The following PYROXD2 variants were observed in gnomAD, a reference collection of about 807,000 sequenced individuals.
PYROXD2 encodes pyridine nucleotide-disulfide oxidoreductase domain-containing protein 2.
PYROXD2 carries 69 observed loss-of-function variants against 71.1 expected under a neutral mutation model. The observed-to-expected ratio is 0.97, with a 90% CI of 0.80 to 1.19. The LOEUF (loss-of-function observed/expected upper bound fraction) is 1.19, where lower values mean the gene tolerates loss of function less well. PYROXD2 is among the 50% of genes most tolerant of loss of function. The pLI is 0.00. For missense variants in PYROXD2, 745 were observed against 748.9 expected (o/e 0.99, Z 0.06); for synonymous variants, 287 against 302.7 (o/e 0.95, Z 0.54).
chr10:98,390,557 T>C (rs1252029813), intron 12 of PYROXD2, 41 bp downstream of exon 12: 3 of 1,522,682 alleles, frequency 2.0e-6, no homozygotes, highest in South Asian at 2.7e-5. Context: ...CCCAGGCCCA[T>C]GTGGAAGAAC....
At chr10:98,405,491 C>T (rs905532880) in intron 4 of PYROXD2, among the ~76,000 whole-genome samples, 2 of 152,162 alleles carry the variant, frequency 1.3e-5, no homozygotes, top group East Asian at 1.9e-4. Flanking sequence ...ATAATAATAG[C>T]GACAAGTACT....
chr10:98,410,050 C>T (rs1267899938), intron 2 of PYROXD2, among the ~76,000 whole-genome samples: 1 of 151,892 alleles, frequency 6.6e-6, no homozygotes, highest in Non-Finnish European at 1.5e-5. Flanking sequence ...TGCACTCCAG[C>T]CTGGGTGACA....
At chr10:98,393,526 G>A (rs1843026691) in intron 8 of PYROXD2, among the ~76,000 whole-genome samples, 1 of 152,126 alleles carries the variant, frequency 6.6e-6, no homozygotes, top group Admixed American at 6.5e-5. Flanking sequence ...CCAGGTGTCA[G>A]CCTTGACCGC....
intron 2 of PYROXD2, chr10:98,410,582 C>G (rs1026700183): frequency 6.7e-6 from 2 of 300,428 alleles, no homozygotes; most frequent in Non-Finnish European, 1.2e-5. Context: ...GCCCCCACCC[C>G]GCCCCAGGTG....
chr10:98,388,677 C>T (rs1402736905), intron 12 of PYROXD2, among the ~76,000 whole-genome samples, 169 bp from the exon 13 acceptor site: 2 of 151,722 alleles, frequency 1.3e-5, no homozygotes, highest in African/African-American at 4.8e-5. Flanking sequence ...CGGCTGCTAG[C>T]GTGGTCCAGA....
intron 6 of PYROXD2, among the ~76,000 whole-genome samples, chr10:98,395,982 T>C (rs1000700258): frequency 4.6e-5 from 7 of 152,210 alleles, no homozygotes; most frequent in African/African-American, 1.7e-4. Flanking sequence ...TAGCTTAGTG[T>C]CTGACACATA....
At chr10:98,398,773 G>C (rs994917711) in intron 5 of PYROXD2, among the ~76,000 whole-genome samples, 1 of 152,138 alleles carries the variant, frequency 6.6e-6, no homozygotes, top group Non-Finnish European at 1.5e-5. Context: ...GGATTTGGAC[G>C]AGAGGATGCA....
At chr10:98,407,831 C>G (rs1479266019) in intron 3 of PYROXD2, 73 bp downstream of exon 3, 2 of 1,459,172 alleles carry the variant, frequency 1.4e-6, no homozygotes, top group South Asian at 2.5e-5. Context: ...GACCGTCACC[C>G]GGGGTCAGCA....
intron 13 of PYROXD2, 103 bp from the exon 14 acceptor site, chr10:98,387,410 A>G: frequency 1.4e-6 from 1 of 734,804 alleles, no homozygotes; most frequent in Non-Finnish European, 2.3e-6. Flanking sequence ...AATTACACAC[A>G]GAAATGGGCT....
At position 98,410,774 on chromosome 10, in the gene PYROXD2, G is replaced by A. The variant is rs76873969; in HGVS notation, c.147+165C>T. 1.1e-4 allele frequency: 111 copies of A among 1,013,782 alleles called. 1 individual carries two copies. In the East Asian group the frequency reaches 1.6e-3, roughly 15 times the overall value. The allele number at this position is 1,013,782 out of a possible 1,614,324, so 62.8% of individuals were successfully genotyped here. A position where few individuals can be genotyped will look rare whatever the true frequency, so the allele number is the denominator to read the frequency against. ...CACAGCTGGCTGCAGATGAGCATTC[G>A]ACCCAGCCCCCAGTCAGCACTGGAG... On this transcript the variant is annotated intron_variant, in intron 2 of 15. Coordinates refer to ENST00000370575, the MANE Select transcript of PYROXD2 (RefSeq NM_032709.3).
At chr10:98,410,881 C>A (rs1405941264) in intron 2 of PYROXD2, 58 bp downstream of exon 2, 2 of 1,554,028 alleles carry the variant, frequency 1.3e-6, no homozygotes, top group Non-Finnish European at 1.7e-6. Flanking sequence ...CCTTCCCAGG[C>A]TGCTGAGAGC....
intron 4 of PYROXD2, among the ~76,000 whole-genome samples, chr10:98,405,209 G>A (rs767994492): frequency 6.6e-6 from 1 of 152,220 alleles, no homozygotes; most frequent in African/African-American, 2.4e-5. Context: ...GGATGGAACC[G>A]GGAGGTGATC....
chr10:98,395,916 G>A (rs1843155517), intron 6 of PYROXD2, among the ~76,000 whole-genome samples: 1 of 152,152 alleles, frequency 6.6e-6, no homozygotes, highest in Non-Finnish European at 1.5e-5. Context: ...AAAGAAACTA[G>A]GCTTTAAGGC....
Position 98,390,667 on chromosome 10 carries a change from A to G in PYROXD2, c.1223T>C (p.Leu408Pro). The G allele has an allele frequency of 6.2e-7, 1 of 1,612,972 alleles. No homozygotes were observed. The highest frequency in any genetic ancestry group is 8.5e-7 in the Non-Finnish European group (1 of 1,179,414). Reference sequence around the variant, plus strand: ...AAGGAGGAGGGTGTCTTCACAGTTCAGGTGGATGGAGCATTGGTGATGGGG... The same window carrying G: ...AAGGAGGAGGGTGTCTTCACAGTTCGGGTGGATGGAGCATTGGTGATGGGG... ...PLPHHQCSIH[L>P]NCEDTLLLHQ... The change falls in exon 12 of 16, where the codon CTG (leucine) becomes CCG (proline). Residue 408 changes from leucine (L) to proline (P), a missense_variant. By Grantham distance (98) the Leu-to-Pro change is moderately conservative. Transcript: ENST00000370575.
intron 15 of PYROXD2, among the ~76,000 whole-genome samples, chr10:98,384,325 C>T (rs189728916): frequency 3.3e-5 from 5 of 152,296 alleles, no homozygotes; most frequent in African/African-American, 9.6e-5. Flanking sequence ...TTAACTTTAT[C>T]CATCCTTCCT....
rs1843753204 is a variant in PYROXD2, at chr10:98,410,657, C to T, written c.147+282G>A. ...GTTACATGCTTCCCCACCTTGTCAG[C>T]TTGTTTCTGGAAGCTCCCTGACTCC... On this transcript the variant is annotated intron_variant, in intron 2 of 15. Coordinates refer to ENST00000370575, the MANE Select transcript of PYROXD2 (RefSeq NM_032709.3). The T allele has an allele frequency of 1.0e-5, 5 of 495,148 alleles. No homozygotes were observed. In the South Asian group the frequency reaches 1.3e-4, roughly 13 times the overall value. 30.7% of individuals were successfully genotyped at this position (495,148 alleles called of 1,614,324 possible).
At position 98,383,717 on chromosome 10, in the gene PYROXD2, G is replaced by T. The variant is rs1590923283; in HGVS notation, c.*81C>A. On this transcript the variant is annotated 3_prime_UTR_variant, in exon 16 of 16. Transcript: ENST00000370575. ...TGGCCTTATGTACTAACCCGAAGCT[G>T]AACTTCCTGGGAAGCTGATCCAATG... The T allele has an allele frequency of 8.0e-7, 1 of 1,254,282 alleles. No homozygotes were observed. The highest frequency in any genetic ancestry group is 1.2e-6 in the Non-Finnish European group (1 of 851,988). 77.7% of individuals were successfully genotyped at this position (1,254,282 alleles called of 1,614,324 possible). A position where few individuals can be genotyped will look rare whatever the true frequency, so the allele number is the denominator to read the frequency against.
chr10:98,407,938 G>A lies in PYROXD2; in HGVS notation c.207C>T (p.Ile69=), dbSNP rs149248307. 43 of 1,611,066 alleles carry A rather than the reference G, an allele frequency of 2.7e-5. No homozygotes were observed. The highest frequency in any genetic ancestry group is 2.4e-4 in the African/African-American group (18 of 74,992). ...NTAVFERRHV[I]GGAAVTEEII... ...TCTCCTCAGTGACAGCTGCACCCCC[G>A]ATCACATGGCGCCTCTCGAAGACGG... is the stretch of plus-strand genomic sequence containing the variant. The change falls in exon 3 of 16, where the codon ATC becomes ATT. Residue 69 remains isoleucine (I), a synonymous_variant. Coordinates refer to ENST00000370575, the MANE Select transcript of PYROXD2 (RefSeq NM_032709.3).
chr10:98,407,568 CG>C lies in PYROXD2; in HGVS notation c.315+13del, dbSNP rs751763878. ...TCCTCCCTCCGTGCAATCGGGCCGG[CG>C]GGGGGGCCCTACCTTCAGCTCCAGA... is the stretch of plus-strand genomic sequence containing the variant. On this transcript the variant is annotated intron_variant, in intron 4 of 15. Coordinates refer to ENST00000370575, the MANE Select transcript of PYROXD2 (RefSeq NM_032709.3). 1.7e-5 allele frequency: 27 copies of C among 1,612,572 alleles called. No individual in the cohort carries two copies. Among genetic ancestry groups the C allele is most frequent in the African/African-American group, 5.3e-5 (4 of 74,874 alleles).
Sources: gnomAD v4.1 joint callset for allele counts (sites outside exome capture counted in the v4.1 genomes callset) on GRCh38, gnomAD v4.1.1 for gene constraint, MANE v1.5 for transcripts, NCBI Gene and HGNC (gene_info 2026-07-23, HGNC 2026-07-21) for gene names.